CDH8: variants seen among roughly 807,000 people sequenced by gnomAD.
The protein encoded by CDH8 is cadherin-8.
CDH8 carries 17 observed loss-of-function variants against 68.1 expected under a neutral mutation model. The observed-to-expected ratio is 0.25, with a 90% CI of 0.17 to 0.37. The LOEUF is 0.37. Ranked by LOEUF, CDH8 falls within the 10% of genes least tolerant of loss-of-function variation. The probability of loss-of-function intolerance (pLI) is 1.00; values close to 1 mark genes in which losing one functional copy is unlikely to be tolerated. For synonymous variants in CDH8, 372 were observed against 365.1 expected (o/e 1.02, Z -0.21); for missense variants, 763 against 999.3 (o/e 0.76, Z 3.19).
intron 10 of CDH8, among the ~76,000 whole-genome samples, chr16:61,660,011 G>A (rs559276181): frequency 6.6e-6 from 1 of 152,100 alleles, no homozygotes; most frequent in African/African-American, 2.4e-5. Context: ...CAATCAAGGA[G>A]AGCCCTGCCC....
In CDH8 at chr16:61,653,500, G is replaced by T; in HGVS notation, c.*108C>A. 6.7e-7 allele frequency: 1 copy of T among 1,500,732 alleles called. No homozygotes were observed. Among genetic ancestry groups the T allele is most frequent in the South Asian group, 1.4e-5 (1 of 71,068 alleles). 93.0% of individuals were successfully genotyped at this position (1,500,732 alleles called of 1,614,324 possible). A position where few individuals can be genotyped will look rare whatever the true frequency, so the allele number is the denominator to read the frequency against. The stretch of plus-strand genomic sequence containing the variant: ...ATGTGGTTGAGTTTATAGATGACTG[G>T]TGCTAAACTTGCCTCTAAAACAAAT... On this transcript the variant is annotated 3_prime_UTR_variant, in exon 12 of 12. Transcript: ENST00000577390.
At chr16:61,906,841 G>A (rs1019451277) in intron 2 of CDH8, among the ~76,000 whole-genome samples, 8 of 152,132 alleles carry the variant, frequency 5.3e-5, no homozygotes, top group East Asian at 3.9e-4. Context: ...CAAAGCCCTC[G>A]CATTTCCTCA....
At chr16:61,776,194 A>G (rs1342429512) in intron 8 of CDH8, among the ~76,000 whole-genome samples, 1 of 152,134 alleles carries the variant, frequency 6.6e-6, no homozygotes, top group Non-Finnish European at 1.5e-5. Flanking sequence ...GGCTCTGTTT[A>G]CGCAATTTAC....
At chr16:61,741,678 C>T (rs999093316) in intron 8 of CDH8, among the ~76,000 whole-genome samples, 1 of 152,028 alleles carries the variant, frequency 6.6e-6, no homozygotes, top group Non-Finnish European at 1.5e-5. Context: ...TCTCTGCAGG[C>T]CTATTTCTGA....
intron 2 of CDH8, among the ~76,000 whole-genome samples, chr16:61,902,621 A>C (rs1462467457): frequency 6.6e-6 from 1 of 151,594 alleles, no homozygotes; most frequent in East Asian, 1.9e-4. Context: ...AACTCCTAGA[A>C]ATTCAAAAGA....
chr16:61,830,873 T>A (rs1039777237), intron 4 of CDH8, among the ~76,000 whole-genome samples: 1 of 151,894 alleles, frequency 6.6e-6, no homozygotes, highest in Non-Finnish European at 1.5e-5. Context: ...GATAAGAGTA[T>A]TGAGTTGATA....
intron 10 of CDH8, among the ~76,000 whole-genome samples, chr16:61,709,462 C>T (rs145940839): frequency 6.6e-6 from 1 of 152,226 alleles, no homozygotes; most frequent in East Asian, 1.9e-4. Flanking sequence ...GGAAAATCCA[C>T]TTCCACTTTC....
intron 4 of CDH8, among the ~76,000 whole-genome samples, chr16:61,851,685 A>G (rs1962942112): frequency 6.6e-6 from 1 of 152,082 alleles, no homozygotes; most frequent in South Asian, 2.1e-4. Context: ...TAAGAATACA[A>G]GTAAACTATT....
chr16:61,968,229 A>G (rs1965285971), intron 2 of CDH8, among the ~76,000 whole-genome samples: 1 of 152,264 alleles, frequency 6.6e-6, no homozygotes, highest in Non-Finnish European at 1.5e-5. Flanking sequence ...ATTTATGCAC[A>G]TGACTCAAAA....
intron 8 of CDH8, among the ~76,000 whole-genome samples, chr16:61,768,322 C>G (rs1287695858): frequency 2.9e-5 from 2 of 70,080 alleles, no homozygotes; most frequent in Admixed American, 1.3e-4. Flanking sequence ...CTTTCTCTCT[C>G]TCTCTCTCTC....
At chr16:61,658,938 T>G (rs953633500) in intron 10 of CDH8, among the ~76,000 whole-genome samples, 1 of 152,304 alleles carries the variant, frequency 6.6e-6, no homozygotes, top group South Asian at 2.1e-4. Flanking sequence ...TTGTTAGATT[T>G]ATTTTTGCTG....
At chr16:61,864,384 C>G (rs1963214452) in intron 3 of CDH8, among the ~76,000 whole-genome samples, 1 of 151,960 alleles carries the variant, frequency 6.6e-6, no homozygotes, top group Admixed American at 6.6e-5. Flanking sequence ...CACTGCTTCC[C>G]CAACCAAGTT....
In CDH8 at chr16:61,960,119, ATGTG is replaced by A. The variant is rs56181239; in HGVS notation, c.253-58650_253-58647del. Among the ~76,000 whole-genome samples, 2 of 12,180 alleles carry A rather than the reference ATGTG, an allele frequency of 1.6e-4. 1 individual carries two copies. The highest frequency in any genetic ancestry group is 3.9e-4 in the Non-Finnish European group (2 of 5,088). 8.0% of individuals were successfully genotyped at this position (12,180 alleles called of 152,430 possible). A position where few individuals can be genotyped will look rare whatever the true frequency, so the allele number is the denominator to read the frequency against. ...TGTGTATACACATACATATATACATATGTGTGTGTGTATACACATACATATATAC... is the reference window on the plus strand; with the variant it reads ...TGTGTATACACATACATATATACATATGTGTGTATACACATACATATATAC... On this transcript the variant is annotated intron_variant, in intron 2 of 11. Coordinates refer to ENST00000577390, the MANE Select transcript of CDH8 (RefSeq NM_001796.5).
chr16:61,972,755 C>T (rs1965365620), intron 2 of CDH8, among the ~76,000 whole-genome samples: 1 of 151,954 alleles, frequency 6.6e-6, no homozygotes, highest in Non-Finnish European at 1.5e-5. Context: ...AATAATGGAC[C>T]TAATTTTTCC....
In CDH8 at chr16:62,022,174, T is replaced by G. The variant is rs184512354; in HGVS notation, c.-199-572A>C. 3.3e-5 allele frequency among the ~76,000 whole-genome samples: 5 copies of G among 152,220 alleles called. No individual in the cohort carries two copies. The East Asian group carries it at 9.6e-4, about 29-fold the overall frequency. ...ATATAAATGAGAATGGGAAGGGGAATTTACCCCAATTTTTACAATCTTAGC... is the reference window on the plus strand; with the variant it reads ...ATATAAATGAGAATGGGAAGGGGAAGTTACCCCAATTTTTACAATCTTAGC... On this transcript the variant is annotated intron_variant, in intron 1 of 11. Coordinates refer to ENST00000577390, the MANE Select transcript of CDH8 (RefSeq NM_001796.5).
At chr16:61,718,461 T>G (rs1376104097) in intron 9 of CDH8, among the ~76,000 whole-genome samples, 1 of 151,344 alleles carries the variant, frequency 6.6e-6, no homozygotes. Context: ...AAAACTTAGT[T>G]TCTCTTTTCT....
intron 2 of CDH8, among the ~76,000 whole-genome samples, chr16:62,010,490 C>G (rs1901780494): frequency 6.6e-6 from 1 of 152,156 alleles, no homozygotes; most frequent in South Asian, 2.1e-4. Flanking sequence ...ATGACTATTC[C>G]CTTCAGTGAC....
At chr16:61,728,009 C>T (rs117683498) in intron 8 of CDH8, among the ~76,000 whole-genome samples, 3,508 of 150,986 alleles carry the variant, frequency 0.023, 68 homozygotes, top group Non-Finnish European at 0.035. Flanking sequence ...TTTTCACTTG[C>T]AATAAATGGA....
chr16:61,971,014 T>C (rs1472388458), intron 2 of CDH8, among the ~76,000 whole-genome samples: 1 of 151,772 alleles, frequency 6.6e-6, no homozygotes, highest in Non-Finnish European at 1.5e-5. Context: ...CTTAAGAAGG[T>C]ACTTTGTAAT....
Sources: gnomAD v4.1 joint callset for allele counts (sites outside exome capture counted in the v4.1 genomes callset) on GRCh38, gnomAD v4.1.1 for gene constraint, MANE v1.5 for transcripts, NCBI Gene and HGNC (gene_info 2026-07-23, HGNC 2026-07-21) for gene names.